Variants in MICAL2 observed in about 807,000 individuals in gnomAD.
MICAL2 encodes the protein microtubule associated monooxygenase, calponin and LIM domain containing 2.
Under a neutral mutation model 127.3 loss-of-function variants are expected in MICAL2, and 77 were observed. The ratio of observed to expected loss-of-function variants is 0.60; its 90% CI spans 0.50 to 0.73. MICAL2 has a LOEUF of 0.73. Among genes scored for constraint, MICAL2 ranks in the 30% least tolerant of loss-of-function variants. The pLI is 0.00. For synonymous variants in MICAL2, 570 were observed against 551.1 expected (o/e 1.03, Z -0.48); for missense variants, 1,351 against 1,434.4 (o/e 0.94, Z 0.94).
chr11:12,119,768 C>A (rs1421546738), intron 1 of MICAL2, among the ~76,000 whole-genome samples: 2 of 152,162 alleles, frequency 1.3e-5, no homozygotes, highest in Non-Finnish European at 2.9e-5. Flanking sequence ...CCACAGAGGC[C>A]ATGAGTCACA....
chr11:12,258,401 C>A, intron 24 of MICAL2, 67 bp from the exon 25 acceptor site: 1 of 1,271,316 alleles, frequency 7.9e-7, no homozygotes, highest in Non-Finnish European at 1.2e-6. Context: ...GGGCACTTGG[C>A]TTTTGTCTAC....
chr11:12,207,952 A>T lies in MICAL2; in HGVS notation c.473-71A>T, dbSNP rs566599768. 55 of 1,156,954 alleles carry T rather than the reference A, an allele frequency of 4.8e-5. No individual in the cohort carries two copies. In the Middle Eastern group the frequency reaches 1.2e-3, roughly 24 times the overall value. 71.7% of individuals were successfully genotyped at this position (1,156,954 alleles called of 1,614,324 possible). ...CAAAGGTCACTGAGCGGCAGTGATT[A>T]TGTAGCATTCTGCATATAGGTGGTG... On this transcript the variant is annotated intron_variant, in intron 4 of 27. Coordinates refer to ENST00000683283, the MANE Select transcript of MICAL2 (RefSeq NM_001282663.2).
chr11:12,140,449 G>A (rs117801822), intron 2 of MICAL2, among the ~76,000 whole-genome samples: 1 of 151,106 alleles, frequency 6.6e-6, no homozygotes, highest in Non-Finnish European at 1.5e-5. Context: ...GAGGGCCTGA[G>A]ACCTAAGAGG....
At chr11:12,358,475 C>A (rs1419993932) in exon 35 of MICAL2, 17 of 1,613,758 alleles carry the variant, frequency 1.1e-5, no homozygotes, top group Non-Finnish European at 1.4e-5. Flanking sequence ...CTGAGCAGGA[C>A]TTGAGGAGGC....
chr11:12,260,173 C>A, intron 26 of MICAL2: 2 of 1,501,080 alleles, frequency 1.3e-6, no homozygotes, highest in South Asian at 1.3e-5. Context: ...GCTCCGCTGA[C>A]ATGGCTGGCT....
chr11:12,259,980 C>T (rs748123041), intron 26 of MICAL2, 83 bp downstream of exon 26: 1 of 1,566,764 alleles, frequency 6.4e-7, no homozygotes, highest in Non-Finnish European at 8.6e-7. Context: ...TGCAGGGACT[C>T]CTGCAAGCTG....
chr11:12,344,033 C>T (rs1938913185), intron 32 of MICAL2, among the ~76,000 whole-genome samples: 2 of 152,184 alleles, frequency 1.3e-5, no homozygotes, highest in African/African-American at 2.4e-5. Flanking sequence ...CGATTGGTGA[C>T]ACCTGCAATC....
intron 26 of MICAL2, chr11:12,261,700 G>A (rs1863134280): frequency 1.0e-6 from 1 of 985,324 alleles, no homozygotes; most frequent in African/African-American, 1.7e-5. Flanking sequence ...AGAAGGAGGT[G>A]CATTTCTACA....
At position 12,226,468 on chromosome 11, in the gene MICAL2, G is replaced by T. The variant is rs1857463408; in HGVS notation, c.1888+98G>T. The T allele has an allele frequency of 3.6e-5, 45 of 1,262,030 alleles. No homozygotes were observed. In the South Asian group the frequency reaches 5.5e-4, roughly 15 times the overall value. The allele number at this position is 1,262,030 out of a possible 1,614,324, so 78.2% of individuals were successfully genotyped here. Reference sequence around the variant, plus strand: ...CTAACACTGTATGGTCTGTTCTGGGGCTGCCCAGTGTGTTCCCCTTGACTT... The same window carrying T: ...CTAACACTGTATGGTCTGTTCTGGGTCTGCCCAGTGTGTTCCCCTTGACTT... On this transcript the variant is annotated intron_variant, in intron 14 of 27. Coordinates refer to ENST00000683283, the MANE Select transcript of MICAL2 (RefSeq NM_001282663.2).
intron 22 of MICAL2, chr11:12,252,637 C>A (rs1493956): frequency 6.6e-6 from 1 of 152,102 alleles, no homozygotes; most frequent in South Asian, 2.1e-4. Context: ...CCTGTGCTTT[C>A]GCTGGAAGCC....
At chr11:12,203,583 C>T (rs930459943) in intron 3 of MICAL2, among the ~76,000 whole-genome samples, 4 of 152,112 alleles carry the variant, frequency 2.6e-5, no homozygotes, top group African/African-American at 9.7e-5. Context: ...TACTAAAATC[C>T]CTTTGCCCAG....
At chr11:12,143,322 T>C (rs1407500404) in intron 2 of MICAL2, among the ~76,000 whole-genome samples, 1 of 152,152 alleles carries the variant, frequency 6.6e-6, no homozygotes, top group Non-Finnish European at 1.5e-5. Context: ...AGACATTCAG[T>C]TGAGAGATCA....
intron 2 of MICAL2, among the ~76,000 whole-genome samples, chr11:12,138,679 G>A (rs1202078909): frequency 1.3e-5 from 2 of 152,182 alleles, no homozygotes; most frequent in African/African-American, 2.4e-5. Flanking sequence ...TCACCTGCTT[G>A]TCCCACCTAC....
rs1455250769 is a variant in MICAL2, at chr11:12,204,267, A to G, written c.282A>G (p.Gly94=). The G allele has an allele frequency of 3.7e-6, 6 of 1,613,934 alleles. No individual in the cohort carries two copies. The highest frequency in any genetic ancestry group is 5.1e-6 in the Non-Finnish European group (6 of 1,180,014). ...CTCTGCAGTGTCTCATAGTTGGGGG[A>G]GGACCCTGTGGCTTGCGCACTGCCA... ...CTNTKCLIVG[G]GPCGLRTAIE... is the part of the protein sequence containing the mutation. Residue 94 remains glycine, a synonymous_variant, in exon 4 of 28, where the codon GGA becomes GGG. Coordinates refer to ENST00000683283, the MANE Select transcript of MICAL2 (RefSeq NM_001282663.2).
At chr11:12,333,450 C>G (rs1001435775) in intron 32 of MICAL2, among the ~76,000 whole-genome samples, 1 of 151,874 alleles carries the variant, frequency 6.6e-6, no homozygotes, top group African/African-American at 2.4e-5. Context: ...TAAATAGAAG[C>G]ATTTCTTTAA....
chr11:12,294,218 G>A (rs377367208), downstream of MICAL2: 33 of 1,613,956 alleles, frequency 2.0e-5, no homozygotes, highest in African/African-American at 2.5e-4. Flanking sequence ...GGAGCGAAAC[G>A]TGCCTCCACC....
At chr11:12,164,013 C>T (rs1353437937) in intron 3 of MICAL2, among the ~76,000 whole-genome samples, 1 of 151,950 alleles carries the variant, frequency 6.6e-6, no homozygotes, top group Non-Finnish European at 1.5e-5. Context: ...GCTGAGGGAC[C>T]CTCTTGGTGA....
chr11:12,245,583 G>A (rs1590610913), intron 21 of MICAL2, among the ~76,000 whole-genome samples: 1 of 152,304 alleles, frequency 6.6e-6, no homozygotes, highest in East Asian at 1.9e-4. Context: ...AACGCTAACA[G>A]GATCTTCAAT....
chr11:12,335,690 G>A (rs1317313161), intron 32 of MICAL2, among the ~76,000 whole-genome samples: 2 of 152,116 alleles, frequency 1.3e-5, no homozygotes, highest in African/African-American at 4.8e-5. Context: ...AGTTTTCCCA[G>A]CACCATTTAT....
Sources: allele counts gnomAD v4.1 joint callset (sites outside exome capture counted in the v4.1 genomes callset), GRCh38; gene constraint gnomAD v4.1.1; transcripts MANE v1.5; gene names NCBI Gene and HGNC (gene_info 2026-07-23, HGNC 2026-07-21).